The following JARID2 variants were observed in gnomAD, a reference collection of about 807,000 sequenced individuals.
JARID2 encodes the protein protein Jumonji.
In JARID2, 21 loss-of-function variants were observed where a neutral mutation model predicts 125.6. The ratio of observed to expected loss-of-function variants is 0.17; its 90% CI spans 0.12 to 0.24. JARID2 has a LOEUF of 0.24. JARID2 is among the 10% of genes least tolerant of loss of function. JARID2 has a pLI of 1.00. For missense variants in JARID2, 1,303 were observed against 1,639.6 expected (o/e 0.79, Z 3.55); for synonymous variants, 736 against 661.6 (o/e 1.11, Z -1.73).
intron 3 of JARID2, among the ~76,000 whole-genome samples, chr6:15,414,090 A>C (rs1236436410): frequency 2.0e-5 from 3 of 152,184 alleles, no homozygotes; most frequent in East Asian, 1.9e-4. Flanking sequence ...TAGAATCATC[A>C]GCAAAAAAAT....
At chr6:15,433,404 G>GTCTCTC (rs375165836) in intron 3 of JARID2, among the ~76,000 whole-genome samples, 1 of 133,616 alleles carries the variant, frequency 7.5e-6, no homozygotes, top group Non-Finnish European at 1.6e-5. Context: ...CAACCCCCAT[G>GTCTCTC]TCTCTCTGTG....
chr6:15,273,930 C>CTTTT (rs71758457), intron 1 of JARID2, among the ~76,000 whole-genome samples: 2 of 141,848 alleles, frequency 1.4e-5, no homozygotes, highest in Non-Finnish European at 3.1e-5. Context: ...TTGTCTATAT[C>CTTTT]TTTTTTTTTT....
chr6:15,336,148 A>G (rs1036253271), intron 1 of JARID2, among the ~76,000 whole-genome samples: 1 of 152,224 alleles, frequency 6.6e-6, no homozygotes, highest in Non-Finnish European at 1.5e-5. Context: ...TGGCCCCTTT[A>G]TCATCCCAGA....
rs150709584 is a variant in JARID2 at position 15,358,974 on chromosome 6, G to C, written c.46-15143G>C. On this transcript the variant is annotated intron_variant, in intron 1 of 17. Coordinates refer to ENST00000341776, the MANE Select transcript of JARID2 (RefSeq NM_004973.4). Reference sequence around the variant, plus strand: ...GAAGTCATTAAGTGGTTTCCAGGGCGGCCATGCCTGACCACTAGTATTCTA... The same window carrying C: ...GAAGTCATTAAGTGGTTTCCAGGGCCGCCATGCCTGACCACTAGTATTCTA... 2.6e-5 allele frequency among the ~76,000 whole-genome samples: 4 copies of C among 152,338 alleles called. No individual in the cohort carries two copies. The East Asian group carries it at 7.7e-4, about 29-fold the overall frequency.
chr6:15,500,971 A>G lies in JARID2; in HGVS notation c.2010A>G (p.Gln670=). ...TTAATGAGATGGGCGGCATGCAGCA[A>G]GTGACTGACCTCAAAAAATGGAACA... ...RLINEMGGMQ[Q]VTDLKKWNKL... The change falls in exon 8 of 18, where the codon CAA becomes CAG. Residue 670 remains glutamine (Q), a synonymous_variant. Coordinates refer to ENST00000341776, the MANE Select transcript of JARID2 (RefSeq NM_004973.4). 1.2e-6 allele frequency: 2 copies of G among 1,614,052 alleles called. No individual in the cohort carries two copies. Among genetic ancestry groups the G allele is most frequent in the Non-Finnish European group, 1.7e-6 (2 of 1,179,916 alleles).
chr6:15,457,738 G>A (rs1768254464), intron 4 of JARID2, among the ~76,000 whole-genome samples: 1 of 151,458 alleles, frequency 6.6e-6, no homozygotes, highest in Admixed American at 6.6e-5. Context: ...AACCTTGTTT[G>A]TTATCTGTTA....
intron 3 of JARID2, among the ~76,000 whole-genome samples, chr6:15,442,632 C>T (rs936493408): frequency 2.0e-5 from 3 of 152,166 alleles, no homozygotes; most frequent in South Asian, 2.1e-4. Context: ...GGGATGGCGG[C>T]GCAGACAGCC....
In JARID2 at chr6:15,501,193, C is replaced by A. The variant is rs776577768; in HGVS notation, c.2232C>A (p.Asp744Glu). The A allele has an allele frequency of 3.1e-6, 5 of 1,613,982 alleles. No homozygotes were observed. The highest frequency in any genetic ancestry group is 1.6e-4 in the Middle Eastern group (1 of 6,084). Residue 744 changes from aspartate to glutamate, a missense_variant, in exon 8 of 18, where the codon GAC (aspartate) becomes GAA (glutamate). Asp to Glu is a conservative substitution (Grantham distance 45). Transcript: ENST00000341776. ...KGPLEGHTENDHHKFHPLPRF... is the reference protein window; with the variant it reads ...KGPLEGHTENEHHKFHPLPRF... ...CGCTGGAAGGCCACACAGAGAACGA[C>A]CACCACAAGTTCCACCCTCTGCCCC...
At chr6:15,369,763 G>A (rs1436857849) in intron 1 of JARID2, among the ~76,000 whole-genome samples, 2 of 152,230 alleles carry the variant, frequency 1.3e-5, no homozygotes, top group Non-Finnish European at 2.9e-5. Context: ...AGTGGGGTAG[G>A]GGAAGAGTAG....
intron 12 of JARID2, chr6:15,508,914 C>G (rs1294275908): frequency 8.0e-6 from 10 of 1,257,146 alleles, no homozygotes; most frequent in Admixed American, 2.3e-5. Flanking sequence ...GTCATCAGCC[C>G]TCTAGTAACT....
At chr6:15,482,550 G>A (rs923517111) in intron 5 of JARID2, among the ~76,000 whole-genome samples, 3 of 152,064 alleles carry the variant, frequency 2.0e-5, no homozygotes, top group Admixed American at 2.0e-4. Context: ...TGACCTTTTT[G>A]TTAATCCCGT....
At chr6:15,500,821 G>A (rs945429663) in intron 7 of JARID2, 86 bp from the exon 8 acceptor site, 2 of 1,201,850 alleles carry the variant, frequency 1.7e-6, no homozygotes, top group African/African-American at 3.0e-5. Context: ...CATAGTAGGA[G>A]TTCAAGAAGT....
In JARID2 at chr6:15,507,195, G is replaced by A. The variant is rs1421021677; in HGVS notation, c.2601G>A (p.Lys867=). 1.9e-6 allele frequency: 3 copies of A among 1,614,076 alleles called. No homozygotes were observed. The highest frequency in any genetic ancestry group is 1.1e-5 in the South Asian group (1 of 91,080). The change falls in exon 10 of 18, where the codon AAG becomes AAA. Residue 867 remains lysine, a synonymous_variant. Coordinates refer to ENST00000341776, the MANE Select transcript of JARID2 (RefSeq NM_004973.4). ...GCCACGTGGCAGTGCACTGCGGCAA[G>A]GTGGACACCAACACTCACGGCAGTG... ...KDCHVAVHCG[K]VDTNTHGSGF...
Position 15,377,601 on chromosome 6 carries a change from G to A in JARID2, c.181+3349G>A, listed in dbSNP as rs369211599. Among the ~76,000 whole-genome samples the A allele has an allele frequency of 2.0e-5, 3 of 152,052 alleles. 1 individual carries two copies. Among genetic ancestry groups the A allele is most frequent in the Non-Finnish European group, 1.5e-5 (1 of 68,020 alleles). On this transcript the variant is annotated intron_variant, in intron 2 of 17. Transcript: ENST00000341776. ...CTGTCTCAGCCTCCCAAGTAGCTGC[G>A]ATTACAGGCATGCACCACCACACCT...
At chr6:15,435,408 C>T (rs1430891400) in intron 3 of JARID2, among the ~76,000 whole-genome samples, 1 of 152,184 alleles carries the variant, frequency 6.6e-6, no homozygotes, top group African/African-American at 2.4e-5. Flanking sequence ...CTTTGGGAAT[C>T]CTAGCTGAAT....
chr6:15,285,801 C>G (rs962516899), intron 1 of JARID2, among the ~76,000 whole-genome samples: 3 of 152,098 alleles, frequency 2.0e-5, no homozygotes, highest in African/African-American at 7.2e-5. Flanking sequence ...TAAAAAAATT[C>G]ATCTTGCAAT....
chr6:15,299,186 G>C lies in JARID2; in HGVS notation c.45+52602G>C, dbSNP rs543269389. Among the ~76,000 whole-genome samples, 6 of 152,278 alleles carry C rather than the reference G, an allele frequency of 3.9e-5. No homozygotes were observed. The East Asian group carries it at 1.2e-3, about 29-fold the overall frequency. On this transcript the variant is annotated intron_variant, in intron 1 of 17. Transcript: ENST00000341776. ...TTTTGAATACAACCCCTTGGACATA[G>C]GGTTCTCTGGAGCCTCCTTTGAGAA... is the stretch of plus-strand genomic sequence containing the variant.
chr6:15,438,049 A>T (rs1339885909), intron 3 of JARID2, among the ~76,000 whole-genome samples: 2 of 152,186 alleles, frequency 1.3e-5, no homozygotes, highest in South Asian at 4.1e-4. Context: ...CTGGGTATGA[A>T]GTTACTATGG....
chr6:15,465,579 C>A (rs1214014404), intron 4 of JARID2, among the ~76,000 whole-genome samples: 1 of 152,188 alleles, frequency 6.6e-6, no homozygotes, highest in Non-Finnish European at 1.5e-5. Flanking sequence ...TCAATCCTCA[C>A]CCTTTCTCTC....
Sources: allele counts gnomAD v4.1 joint callset (sites outside exome capture counted in the v4.1 genomes callset), GRCh38; gene constraint gnomAD v4.1.1; transcripts MANE v1.5; gene names NCBI Gene and HGNC (gene_info 2026-07-23, HGNC 2026-07-21).